The following HDX variants were observed in gnomAD, a reference collection of about 807,000 sequenced individuals.
HDX encodes the protein chromosome X open reading frame 43.
Under a neutral mutation model 45.2 loss-of-function variants are expected in HDX, and 19 were observed. The observed-to-expected ratio is 0.42, with a 90% CI of 0.29 to 0.62. The LOEUF (loss-of-function observed/expected upper bound fraction) is 0.62, where lower values mean the gene tolerates loss of function less well. Ranked by LOEUF, HDX falls within the 20% of genes least tolerant of loss-of-function variation. HDX has a pLI of 0.20. For missense variants in HDX, 532 were observed against 493.9 expected (o/e 1.08, Z -0.73); for synonymous variants, 188 against 172.8 (o/e 1.09, Z -0.69).
chrX:84,461,244 A>G (rs911700672), intron 4 of HDX, among the ~76,000 whole-genome samples: 2 of 111,842 alleles, frequency 1.8e-5, no homozygotes, highest in Non-Finnish European at 3.8e-5. Context: ...TCAAAGCTGG[A>G]GGAATCACAT....
At chrX:84,322,162 A>G in intron 10 of HDX, 148 bp from the exon 11 acceptor site, 1 of 367,427 alleles carries the variant, frequency 2.7e-6, no homozygotes. Flanking sequence ...TGCCTTACCT[A>G]AAAGAAAAAT....
chrX:84,438,986 G>T (rs761370015), intron 5 of HDX, among the ~76,000 whole-genome samples: 2 of 112,209 alleles, frequency 1.8e-5, no homozygotes, highest in Admixed American at 9.4e-5. Context: ...GGCTGAACTA[G>T]TTTGCATTCC....
rs746378825 is a variant in HDX at position 84,417,431 on chromosome X, C to T, written c.1305+23101G>A. On this transcript the variant is annotated intron_variant, in intron 5 of 10. Transcript: ENST00000373177. ...AAGAACAATTTATCTTTACCTGCATCAGCCTCTCCTTCATGCCTGCAAAGC... is the reference window on the plus strand; with the variant it reads ...AAGAACAATTTATCTTTACCTGCATTAGCCTCTCCTTCATGCCTGCAAAGC... Among the ~76,000 whole-genome samples the T allele has an allele frequency of 3.6e-5, 4 of 112,143 alleles. No individual in the cohort carries two copies. In the South Asian group the frequency reaches 1.5e-3, roughly 41 times the overall value.
chrX:84,502,175 G>T (rs764760855), intron 1 of HDX, among the ~76,000 whole-genome samples, 167 bp downstream of exon 1: 7 of 110,929 alleles, frequency 6.3e-5, no homozygotes, highest in Non-Finnish European at 9.4e-5. Flanking sequence ...GGAGGATAGA[G>T]GCACTTGGCT....
intron 5 of HDX, among the ~76,000 whole-genome samples, chrX:84,383,161 C>A (rs1229853885): frequency 2.7e-5 from 3 of 110,751 alleles, no homozygotes; most frequent in African/African-American, 9.8e-5. Flanking sequence ...ATGCCACCAC[C>A]AATACGGGGT....
At chrX:84,465,350 A>G (rs78441092) in intron 4 of HDX, among the ~76,000 whole-genome samples, 182 of 112,331 alleles carry the variant, frequency 1.6e-3, no homozygotes, top group African/African-American at 5.7e-3. Context: ...AAATCATTCT[A>G]CTATAAAGAC....
At chrX:84,359,056 G>A in intron 6 of HDX, among the ~76,000 whole-genome samples, 1 of 106,833 alleles carries the variant, frequency 9.4e-6, no homozygotes, top group South Asian at 4.5e-4. Flanking sequence ...TATTAATTAA[G>A]GCTTTTTTTT....
chrX:84,346,586 A>G (rs1308019470), intron 6 of HDX, among the ~76,000 whole-genome samples: 1 of 111,278 alleles, frequency 9.0e-6, no homozygotes, highest in African/African-American at 3.3e-5. Context: ...CACAAGTATG[A>G]CCAGCTTAGC....
chrX:84,456,093 G>GA (rs1205645628), intron 4 of HDX, among the ~76,000 whole-genome samples: 3 of 111,648 alleles, frequency 2.7e-5, no homozygotes, highest in Admixed American at 9.5e-5. Context: ...GAATCTGAAA[G>GA]AAAAAGATTT....
intron 5 of HDX, among the ~76,000 whole-genome samples, chrX:84,426,345 C>G (rs779940058): frequency 9.0e-6 from 1 of 110,730 alleles, no homozygotes; most frequent in South Asian, 3.8e-4. Flanking sequence ...ATAAGTACCT[C>G]AAAGAGATAT....
At chrX:84,444,006 T>C (rs2148069157) in intron 4 of HDX, among the ~76,000 whole-genome samples, 1 of 111,227 alleles carries the variant, frequency 9.0e-6, no homozygotes, top group South Asian at 3.7e-4. Context: ...CTGTTAAATG[T>C]CACAAGGGAG....
rs745415830 is a variant in HDX, at chrX:84,395,988, C to T, written c.1306-34376G>A. Among the ~76,000 whole-genome samples, 32 of 111,480 alleles carry T rather than the reference C, an allele frequency of 2.9e-4. No homozygotes were observed. In the East Asian group the frequency reaches 4.8e-3, roughly 17 times the overall value. On this transcript the variant is annotated intron_variant, in intron 5 of 10. Transcript: ENST00000373177. ...TTTCTGATTCCTGTATATTGGTTTT[C>T]GGTATTCTTTTGTATCTCCCTGAGT...
At chrX:84,390,060 G>T (rs892623254) in intron 5 of HDX, among the ~76,000 whole-genome samples, 1 of 110,233 alleles carries the variant, frequency 9.1e-6, no homozygotes, top group African/African-American at 3.3e-5. Flanking sequence ...CAGTGTAACC[G>T]TTCTATCCAC....
intron 4 of HDX, among the ~76,000 whole-genome samples, chrX:84,444,036 A>G (rs2039819398): frequency 1.8e-5 from 2 of 111,622 alleles, no homozygotes; most frequent in African/African-American, 6.5e-5. Flanking sequence ...ATAAAGTGCA[A>G]CAAGAGCTCA....
chrX:84,446,845 C>T (rs1431158705), intron 4 of HDX, among the ~76,000 whole-genome samples: 5 of 112,015 alleles, frequency 4.5e-5, no homozygotes, highest in Admixed American at 1.9e-4. Flanking sequence ...TGGCAGGGCA[C>T]AGTTTGGGGG....
intron 1 of HDX, among the ~76,000 whole-genome samples, chrX:84,495,597 C>T (rs1037220418): frequency 5.4e-5 from 6 of 111,517 alleles, no homozygotes; most frequent in Non-Finnish European, 9.4e-5. Flanking sequence ...ACTTAAAAGT[C>T]TCATAGAGTA....
rs976920935 is a variant in HDX at position 84,442,629 on chromosome X, T to C, written c.1252-2044A>G. ...AATTATTCAAAATGTATTTTTTCTT[T>C]TTATCCCACCAATGTGTGTTAGGGT... On this transcript the variant is annotated intron_variant, in intron 4 of 10. Transcript: ENST00000373177. Among the ~76,000 whole-genome samples, 3 of 110,987 alleles carry C rather than the reference T, an allele frequency of 2.7e-5. No individual in the cohort carries two copies. In the South Asian group the frequency reaches 1.1e-3, roughly 41 times the overall value.
intron 4 of HDX, among the ~76,000 whole-genome samples, chrX:84,446,781 ATAG>A (rs1354535885): frequency 8.9e-6 from 1 of 112,206 alleles, no homozygotes; most frequent in African/African-American, 3.2e-5. Context: ...CACATTCAAA[ATAG>A]TAGGAGATTT....
At chrX:84,354,891 T>C (rs1172181453) in intron 6 of HDX, among the ~76,000 whole-genome samples, 2 of 96,032 alleles carry the variant, frequency 2.1e-5, no homozygotes. Flanking sequence ...TAATGTTAGA[T>C]TGGGAATAAA....
Sources: gnomAD v4.1 joint callset for allele counts (sites outside exome capture counted in the v4.1 genomes callset) on GRCh38, gnomAD v4.1.1 for gene constraint, MANE v1.5 for transcripts, NCBI Gene and HGNC (gene_info 2026-07-23, HGNC 2026-07-21) for gene names.